TPST1: variants seen among roughly 807,000 people sequenced by gnomAD.
TPST1 encodes tyrosylprotein sulfotransferase 1.
In TPST1, 20 loss-of-function variants were observed where a neutral mutation model predicts 34.8. The observed-to-expected ratio is 0.57, with a 90% CI of 0.40 to 0.84. The LOEUF (loss-of-function observed/expected upper bound fraction) is 0.84. Ranked by LOEUF, TPST1 falls within the 40% of genes least tolerant of loss-of-function variation. TPST1 has a pLI of 0.00. For synonymous variants in TPST1, 152 were observed against 159.4 expected, an observed-to-expected ratio of 0.95 and a Z score of 0.35; for missense variants, 353 against 455.5, an observed-to-expected ratio of 0.78 and a Z score of 2.05.
At chr7:66,198,925 C>T in the TPST1 span, among the ~76,000 whole-genome samples, 1 of 152,194 alleles carries the variant, frequency 6.6e-6, no homozygotes, top group Admixed American at 6.5e-5. Flanking sequence ...TGAGGTGCTT[C>T]CCGCAGGCCA....
Position 66,349,472 on chromosome 7 carries a change from T to A in TPST1, c.1045-3033T>A, listed in dbSNP as rs1584260245. 2.6e-5 allele frequency among the ~76,000 whole-genome samples: 4 copies of A among 152,098 alleles called. 1 individual carries two copies. Among genetic ancestry groups the A allele is most frequent in the African/African-American group, 9.7e-5 (4 of 41,388 alleles). ...CTGTAATCCCAGCTACTCAGGAAGC[T>A]GAGGCAGGAGAAGTGCTTGAACCTG... On this transcript the variant is annotated intron_variant, in intron 3 of 5. Transcript: ENST00000304842.
intron 3 of TPST1, among the ~76,000 whole-genome samples, chr7:66,341,101 A>G (rs1413400140): frequency 6.6e-6 from 1 of 152,226 alleles, no homozygotes; most frequent in East Asian, 1.9e-4. Flanking sequence ...GAAAAAACCT[A>G]AAATTTGTGT....
At chr7:66,350,822 T>C (rs1229475619) in intron 3 of TPST1, among the ~76,000 whole-genome samples, 1 of 152,226 alleles carries the variant, frequency 6.6e-6, no homozygotes, top group African/African-American at 2.4e-5. Flanking sequence ...ACATTACTTG[T>C]TCCCAAGTTT....
chr7:66,255,660 C>T (rs1790368910), intron 2 of TPST1, among the ~76,000 whole-genome samples: 1 of 152,144 alleles, frequency 6.6e-6, no homozygotes, highest in Non-Finnish European at 1.5e-5. Context: ...CCCAGAAGAT[C>T]TCCAAGGCTA....
At chr7:66,268,771 C>T (rs913409246) in intron 2 of TPST1, among the ~76,000 whole-genome samples, 5 of 152,026 alleles carry the variant, frequency 3.3e-5, no homozygotes, top group African/African-American at 4.8e-5. Context: ...TCACTGCAAC[C>T]TCTGCCTCTC....
intron 4 of TPST1, 70 bp from the exon 5 acceptor site, chr7:66,356,755 A>G: frequency 6.3e-7 from 1 of 1,580,176 alleles, no homozygotes; most frequent in Non-Finnish European, 8.7e-7. Flanking sequence ...CTCATGTTTC[A>G]GTGGGGACGG....
chr7:66,338,843 C>T (rs1792173902), intron 3 of TPST1, among the ~76,000 whole-genome samples: 1 of 151,836 alleles, frequency 6.6e-6, no homozygotes, highest in South Asian at 2.1e-4. Flanking sequence ...ACGTCTATAT[C>T]AAAAAAGTAA....
chr7:66,351,323 G>GT (rs1792474357), intron 3 of TPST1, among the ~76,000 whole-genome samples: 1 of 152,060 alleles, frequency 6.6e-6, no homozygotes, highest in African/African-American at 2.4e-5. Flanking sequence ...CGTAGATCAC[G>GT]TTTTTTAATT....
intron 3 of TPST1, among the ~76,000 whole-genome samples, chr7:66,319,542 T>C (rs1450015139): frequency 6.6e-6 from 1 of 152,222 alleles, no homozygotes; most frequent in Non-Finnish European, 1.5e-5. Flanking sequence ...TCTCTAAATG[T>C]TGTCATATCC....
chr7:66,355,902 CAAAAAAAAAAA>C (rs573200695), intron 4 of TPST1, among the ~76,000 whole-genome samples: 3 of 56,908 alleles, frequency 5.3e-5, no homozygotes, highest in East Asian at 7.5e-4. Flanking sequence ...AAGACTCCAT[CAAAAAAAAAAA>C]AAAAAAAAAA....
intron 3 of TPST1, among the ~76,000 whole-genome samples, chr7:66,321,744 T>C (rs189380433): frequency 6.6e-6 from 1 of 152,364 alleles, no homozygotes; most frequent in African/African-American, 2.4e-5. Context: ...TGCCAATACC[T>C]TGTACAGTTT....
At chr7:66,344,398 A>C (rs1294194151) in intron 3 of TPST1, 1 of 152,224 alleles carries the variant, frequency 6.6e-6, no homozygotes, top group Non-Finnish European at 1.5e-5. Context: ...TAAGGTCATG[A>C]AGCATAGAAA....
chr7:66,233,250 T>C (rs1789837190), intron 1 of TPST1, among the ~76,000 whole-genome samples: 1 of 152,218 alleles, frequency 6.6e-6, no homozygotes, highest in African/African-American at 2.4e-5. Flanking sequence ...GTTTGTACTT[T>C]TGGTGTTGCG....
chr7:66,253,509 C>G (rs984862474), intron 2 of TPST1, among the ~76,000 whole-genome samples: 1 of 151,572 alleles, frequency 6.6e-6, no homozygotes, highest in Non-Finnish European at 1.5e-5. Flanking sequence ...GTAGCTGGGA[C>G]TACAGGCGTG....
At chr7:66,268,227 A>G (rs1483158076) in intron 2 of TPST1, among the ~76,000 whole-genome samples, 1 of 152,142 alleles carries the variant, frequency 6.6e-6, no homozygotes, top group East Asian at 1.9e-4. Context: ...TGCTGGGATT[A>G]CAGGTGTGAG....
At chr7:66,203,778 C>A (rs1358700065), upstream of TPST1, among the ~76,000 whole-genome samples, 5 of 152,104 alleles carry the variant, frequency 3.3e-5, no homozygotes, top group African/African-American at 1.2e-4. Flanking sequence ...AGCCACTGCA[C>A]CCGGCCACAC....
At chr7:66,269,535 G>A (rs905502346) in intron 2 of TPST1, among the ~76,000 whole-genome samples, 1 of 152,168 alleles carries the variant, frequency 6.6e-6, no homozygotes, top group African/African-American at 2.4e-5. Context: ...AAGGCTCTGG[G>A]TACAATTCAG....
intron 2 of TPST1, among the ~76,000 whole-genome samples, chr7:66,253,292 G>T (rs1003151476): frequency 3.3e-5 from 5 of 151,810 alleles, no homozygotes; most frequent in Admixed American, 1.3e-4. Flanking sequence ...CTAGGGGATT[G>T]TCCTAATGAC....
Position 66,258,148 on chromosome 7 carries a change from T to A in TPST1, c.845+16878T>A, listed in dbSNP as rs558004290. On this transcript the variant is annotated intron_variant, in intron 2 of 5. Coordinates refer to ENST00000304842, the MANE Select transcript of TPST1 (RefSeq NM_003596.4). ...CTTACTCTCTATGTCTGTTTTTTTT[T>A]AATATAGTTATGCTTCCCTTACAAA... Among the ~76,000 whole-genome samples, 78 of 152,326 alleles carry A rather than the reference T, an allele frequency of 5.1e-4. 1 individual carries two copies. The highest frequency in any genetic ancestry group is 3.4e-3 in the Middle Eastern group (1 of 294).
Sources: allele counts gnomAD v4.1 joint callset (sites outside exome capture counted in the v4.1 genomes callset), GRCh38; gene constraint gnomAD v4.1.1; transcripts MANE v1.5; gene names NCBI Gene and HGNC (gene_info 2026-07-23, HGNC 2026-07-21).